The following NAPB variants were observed in gnomAD, a reference collection of about 807,000 sequenced individuals.
The protein encoded by NAPB is beta-soluble NSF attachment protein.
NAPB carries 26 observed loss-of-function variants against 44.7 expected under a neutral mutation model. The ratio of observed to expected loss-of-function variants is 0.58; its 90% CI spans 0.43 to 0.81. The LOEUF (loss-of-function observed/expected upper bound fraction) is 0.81. NAPB is among the 30% of genes least tolerant of loss of function. NAPB has a pLI of 0.00. For synonymous variants in NAPB, 120 were observed against 116.8 expected (o/e 1.03, Z -0.18); for missense variants, 315 against 356.4 (o/e 0.88, Z 0.94).
Position 23,390,208 on chromosome 20 carries a change from C to A in NAPB, c.476+1G>T. ...ATCATATTAAGAAAAGTAATACTTG[C>A]CTGTTGGATTCTTCTCCTTTGTAAT... On this transcript the variant is annotated splice_donor_variant, in intron 6 of 10. Coordinates refer to ENST00000377026, the MANE Select transcript of NAPB (RefSeq NM_022080.3). LOFTEE classifies it high-confidence loss of function. 1.2e-6 allele frequency: 2 copies of A among 1,605,404 alleles called. No homozygotes were observed. The highest frequency in any genetic ancestry group is 1.7e-6 in the Non-Finnish European group (2 of 1,172,204).
chr20:23,398,854 A>ATTTTTTTTTTTTTTT (rs34074566), intron 2 of NAPB, among the ~76,000 whole-genome samples: 1 of 90,424 alleles, frequency 1.1e-5, no homozygotes, highest in Non-Finnish European at 2.0e-5. Context: ...CAAAAAAAAA[A>ATTTTTTTTTTTTTTT]TTTTTTTTTT....
At chr20:23,410,672 CT>C (rs1310255155) in intron 1 of NAPB, among the ~76,000 whole-genome samples, 11 of 148,424 alleles carry the variant, frequency 7.4e-5, no homozygotes, top group South Asian at 4.2e-4. Flanking sequence ...TATGTACCCC[CT>C]GACTCTAAAA....
chr20:23,382,720 A>G (rs1298835568), intron 7 of NAPB, among the ~76,000 whole-genome samples: 1 of 152,178 alleles, frequency 6.6e-6, no homozygotes. Flanking sequence ...GGGACAGAGG[A>G]AAGAAGCACT....
chr20:23,399,614 T>C (rs1984677245), intron 2 of NAPB, among the ~76,000 whole-genome samples: 1 of 152,238 alleles, frequency 6.6e-6, no homozygotes, highest in Non-Finnish European at 1.5e-5. Flanking sequence ...GCCTCAGGGC[T>C]AGAGCTGGAA....
chr20:23,381,458 C>T lies in NAPB; in HGVS notation c.562-141G>A, dbSNP rs1313198001. 3 of 536,532 alleles carry T rather than the reference C, an allele frequency of 5.6e-6. No individual in the cohort carries two copies. In the African/African-American group the frequency reaches 5.9e-5, roughly 11 times the overall value. 33.2% of individuals were successfully genotyped at this position (536,532 alleles called of 1,614,324 possible). ...GAAATATATTATTTTATCCGAATAC[C>T]ATATAGTAGAAATTTTACTAGACAA... On this transcript the variant is annotated intron_variant, in intron 7 of 10. Transcript: ENST00000377026.
rs1441913585 is a variant in NAPB at position 23,382,832 on chromosome 20, G to A, written c.562-1515C>T. ...ATAATAAAACAGTCTCACTTTTGTGGCATCTGTGTTCTAGAAGGGGAGGAG... is the reference window on the plus strand; with the variant it reads ...ATAATAAAACAGTCTCACTTTTGTGACATCTGTGTTCTAGAAGGGGAGGAG... On this transcript the variant is annotated intron_variant, in intron 7 of 10. Coordinates refer to ENST00000377026, the MANE Select transcript of NAPB (RefSeq NM_022080.3). 3.3e-5 allele frequency among the ~76,000 whole-genome samples: 5 copies of A among 152,254 alleles called. No individual in the cohort carries two copies. The East Asian group carries it at 9.7e-4, about 29-fold the overall frequency.
At chr20:23,409,064 A>G (rs1985459882) in intron 1 of NAPB, among the ~76,000 whole-genome samples, 1 of 152,234 alleles carries the variant, frequency 6.6e-6, no homozygotes. Flanking sequence ...GGCTTGAGTC[A>G]GACCACCTAC....
intron 10 of NAPB, among the ~76,000 whole-genome samples, chr20:23,377,965 T>C (rs1035184177): frequency 4.6e-5 from 7 of 152,140 alleles, no homozygotes; most frequent in Admixed American, 1.3e-4. Flanking sequence ...AAAACATTCC[T>C]TTCCTCTATC....
chr20:23,382,856 A>T (rs1221848163), intron 7 of NAPB, among the ~76,000 whole-genome samples: 1 of 152,132 alleles, frequency 6.6e-6, no homozygotes, highest in Non-Finnish European at 1.5e-5. Flanking sequence ...GAAGGGGAGG[A>T]GAAAGAGAAA....
chr20:23,388,330 A>T (rs1983684847), intron 7 of NAPB, among the ~76,000 whole-genome samples: 1 of 152,080 alleles, frequency 6.6e-6, no homozygotes, highest in African/African-American at 2.4e-5. Context: ...AAACCCTAAA[A>T]CCACTCCAAA....
chr20:23,394,902 G>T lies in NAPB; in HGVS notation c.420+20C>A. 6.2e-7 allele frequency: 1 copy of T among 1,608,378 alleles called. No individual in the cohort carries two copies. On this transcript the variant is annotated intron_variant, in intron 5 of 10. Transcript: ENST00000377026. ...CTTATCTGCCTGCTTCACATCTGAGGAAGTGTGCCCACTGCTTACCTTCTC... is the reference window on the plus strand; with the variant it reads ...CTTATCTGCCTGCTTCACATCTGAGTAAGTGTGCCCACTGCTTACCTTCTC...
At chr20:23,418,880 G>A (rs1265223238) in intron 1 of NAPB, among the ~76,000 whole-genome samples, 1 of 152,064 alleles carries the variant, frequency 6.6e-6, no homozygotes, top group African/African-American at 2.4e-5. Context: ...CTGGGAGGCG[G>A]AGGTTGCAGT....
chr20:23,421,232 G>A (rs1986401943), intron 1 of NAPB, 73 bp downstream of exon 1: 9 of 1,335,506 alleles, frequency 6.7e-6, no homozygotes, highest in South Asian at 2.6e-5. Context: ...GGGACTCGGG[G>A]GGTCAGCCTG....
intron 8 of NAPB, 141 bp downstream of exon 8, chr20:23,381,072 T>C (rs554154241): frequency 1.3e-5 from 8 of 621,808 alleles, no homozygotes; most frequent in African/African-American, 7.4e-5. Flanking sequence ...CTGGGACACA[T>C]ACCACAGAAT....
intron 1 of NAPB, among the ~76,000 whole-genome samples, chr20:23,407,140 C>T (rs1418870992): frequency 6.6e-6 from 1 of 152,296 alleles, no homozygotes; most frequent in African/African-American, 2.4e-5. Context: ...ACAGAATTGC[C>T]AGAGGTAGCC....
chr20:23,379,563 T>A, intron 9 of NAPB, 68 bp from the exon 10 acceptor site: 6 of 1,198,948 alleles, frequency 5.0e-6, no homozygotes, highest in Non-Finnish European at 7.2e-6. Context: ...ATATATACTT[T>A]AAGTATAATA....
At chr20:23,378,398 A>C (rs1469875829) in intron 10 of NAPB, among the ~76,000 whole-genome samples, 1 of 150,200 alleles carries the variant, frequency 6.7e-6, no homozygotes, top group Non-Finnish European at 1.5e-5. Context: ...AAAAAGTATA[A>C]AGAAAAAAAC....
intron 5 of NAPB, among the ~76,000 whole-genome samples, chr20:23,394,451 C>T (rs934603967): frequency 1.3e-5 from 2 of 152,150 alleles, no homozygotes; most frequent in African/African-American, 4.8e-5. Context: ...TTAGAGATGA[C>T]TGCTGGACAA....
intron 1 of NAPB, among the ~76,000 whole-genome samples, chr20:23,405,746 G>A (rs1985208034): frequency 2.6e-5 from 4 of 151,954 alleles, no homozygotes; most frequent in Admixed American, 6.6e-5. Context: ...GCTAAGGAGT[G>A]GAAACAACCC....
Sources: gnomAD v4.1 joint callset for allele counts (sites outside exome capture counted in the v4.1 genomes callset) on GRCh38, gnomAD v4.1.1 for gene constraint, MANE v1.5 for transcripts, NCBI Gene and HGNC (gene_info 2026-07-23, HGNC 2026-07-21) for gene names.